The following NFYC variants were observed in gnomAD, a reference collection of about 807,000 sequenced individuals.
The protein encoded by NFYC is nuclear transcription factor Y subunit gamma.
A neutral mutation model predicts 53.1 loss-of-function variants in NFYC; 25 were observed. The ratio of observed to expected loss-of-function variants is 0.47; its 90% CI spans 0.34 to 0.66. The LOEUF (loss-of-function observed/expected upper bound fraction) is 0.66. Ranked by LOEUF, NFYC falls within the 30% of genes least tolerant of loss-of-function variation. The pLI, the probability that NFYC is intolerant of heterozygous loss-of-function variation, is 0.01. For synonymous variants in NFYC, 145 were observed against 152.6 expected (o/e 0.95, Z 0.37); for missense variants, 260 against 422.7 (o/e 0.62, Z 3.38).
intron 1 of NFYC, among the ~76,000 whole-genome samples, chr1:40,727,465 C>T (rs193179933): frequency 1.8e-3 from 275 of 151,932 alleles, no homozygotes; most frequent in Middle Eastern, 0.01. Context: ...TAAAGCAGTC[C>T]TCCCGCCTTG....
At chr1:40,749,820 C>G (rs1645811784) in intron 4 of NFYC, 134 bp downstream of exon 4, 1 of 680,628 alleles carries the variant, frequency 1.5e-6, no homozygotes. Flanking sequence ...AGATTGTTCT[C>G]CTTTAGGCCT....
intron 1 of NFYC, among the ~76,000 whole-genome samples, chr1:40,699,181 A>C (rs1208757415): frequency 1.3e-5 from 2 of 150,134 alleles, no homozygotes; most frequent in East Asian, 1.9e-4. Context: ...AAAACAAAAC[A>C]AAACCAAAAA....
chr1:40,699,170 AAAAAC>A (rs59791875), intron 1 of NFYC, among the ~76,000 whole-genome samples: 9,804 of 152,074 alleles, frequency 0.064, 543 homozygotes, highest in African/African-American at 0.15. Flanking sequence ...GTCTCCAAAA[AAAAAC>A]AAAACAAAAC....
intron 1 of NFYC, among the ~76,000 whole-genome samples, chr1:40,737,874 AAAG>A (rs1645125288): frequency 1.3e-5 from 2 of 151,550 alleles, no homozygotes; most frequent in South Asian, 4.2e-4. Flanking sequence ...GTCTAAAACA[AAAG>A]AAGAAACTTA....
intron 4 of NFYC, among the ~76,000 whole-genome samples, chr1:40,752,876 G>A (rs945890995): frequency 3.9e-5 from 6 of 151,966 alleles, no homozygotes; most frequent in Non-Finnish European, 5.9e-5. Flanking sequence ...TGAAAATCGC[G>A]GGGAGAGGAT....
At chr1:40,702,986 T>C (rs1643514147) in intron 1 of NFYC, among the ~76,000 whole-genome samples, 1 of 152,032 alleles carries the variant, frequency 6.6e-6, no homozygotes. Flanking sequence ...CCAGCTACTT[T>C]TTGTATTTTT....
chr1:40,696,367 C>G (rs973185486), intron 1 of NFYC, among the ~76,000 whole-genome samples: 2 of 152,140 alleles, frequency 1.3e-5, no homozygotes, highest in African/African-American at 4.8e-5. Flanking sequence ...AGCCCTTACT[C>G]TTAAACACTG....
chr1:40,707,925 TAAATC>T (rs902318108), intron 1 of NFYC, among the ~76,000 whole-genome samples: 26 of 151,560 alleles, frequency 1.7e-4, no homozygotes, highest in Non-Finnish European at 3.4e-4. Flanking sequence ...CTGCCCTAAA[TAAATC>T]AGTTAGTCCA....
intron 1 of NFYC, among the ~76,000 whole-genome samples, chr1:40,717,754 T>G (rs1644190768): frequency 6.6e-6 from 1 of 152,220 alleles, no homozygotes; most frequent in South Asian, 2.1e-4. Context: ...TTGGGCATAA[T>G]CTTACTGATT....
intron 1 of NFYC, among the ~76,000 whole-genome samples, chr1:40,703,536 G>A (rs1281818408): frequency 6.8e-6 from 1 of 147,370 alleles, no homozygotes; most frequent in Non-Finnish European, 1.5e-5. Flanking sequence ...TTTCCTACAT[G>A]GCCCTCTTCA....
At chr1:40,695,650 A>G (rs561054603) in intron 1 of NFYC, 1 of 152,138 alleles carries the variant, frequency 6.6e-6, no homozygotes, top group South Asian at 2.1e-4. Context: ...TCAACTCCTG[A>G]CCTCAGGTGA....
chr1:40,706,260 C>T (rs540216711), intron 1 of NFYC, among the ~76,000 whole-genome samples: 3 of 152,114 alleles, frequency 2.0e-5, no homozygotes, highest in Non-Finnish European at 4.4e-5. Flanking sequence ...CTTTGAACCT[C>T]ACTCTTTCTC....
chr1:40,692,173 A>C, intron 1 of NFYC: 1 of 185,046 alleles, frequency 5.4e-6, no homozygotes, highest in South Asian at 6.4e-5. Context: ...CTGGCACCTT[A>C]TTGGACGCGC....
At chr1:40,722,834 G>A (rs866668485) in intron 1 of NFYC, among the ~76,000 whole-genome samples, 1 of 152,080 alleles carries the variant, frequency 6.6e-6, no homozygotes, top group Non-Finnish European at 1.5e-5. Flanking sequence ...CCAACTGTTC[G>A]CAGCTGAGTA....
chr1:40,734,792 T>C (rs925274671), intron 1 of NFYC: 5 of 152,260 alleles, frequency 3.3e-5, no homozygotes, highest in Admixed American at 1.3e-4. Flanking sequence ...ATTTATGTTC[T>C]TCTAAGAGAC....
At chr1:40,762,562 T>C (rs1363741183) in intron 6 of NFYC, among the ~76,000 whole-genome samples, 1 of 152,228 alleles carries the variant, frequency 6.6e-6, no homozygotes, top group African/African-American at 2.4e-5. Context: ...TGGTTGCTTT[T>C]GATTTTTTCT....
At chr1:40,746,203 A>C (rs1645599631) in intron 2 of NFYC, among the ~76,000 whole-genome samples, 1 of 152,250 alleles carries the variant, frequency 6.6e-6, no homozygotes, top group African/African-American at 2.4e-5. Flanking sequence ...TAGAGGGTTC[A>C]TGGAAAATGT....
intron 5 of NFYC, among the ~76,000 whole-genome samples, chr1:40,753,697 A>T (rs754329479): frequency 6.6e-6 from 1 of 152,190 alleles, no homozygotes; most frequent in Non-Finnish European, 1.5e-5. Context: ...CTGACTGCAC[A>T]CTAGAATCAC....
intron 1 of NFYC, among the ~76,000 whole-genome samples, chr1:40,718,487 A>G (rs1333385436): frequency 6.6e-6 from 1 of 152,232 alleles, no homozygotes; most frequent in Non-Finnish European, 1.5e-5. Flanking sequence ...ATCAACTCTC[A>G]TATTATAGAC....
Sources: gnomAD v4.1 joint callset for allele counts (sites outside exome capture counted in the v4.1 genomes callset) on GRCh38, gnomAD v4.1.1 for gene constraint, MANE v1.5 for transcripts, NCBI Gene and HGNC (gene_info 2026-07-23, HGNC 2026-07-21) for gene names.